Variants in PRKDC observed in about 807,000 individuals in gnomAD.
PRKDC encodes DNA-dependent protein kinase catalytic subunit.
PRKDC carries 82 observed loss-of-function variants against 486.9 expected under a neutral mutation model. The ratio of observed to expected loss-of-function variants is 0.17; its 90% CI spans 0.14 to 0.20. The LOEUF (loss-of-function observed/expected upper bound fraction) is 0.20. PRKDC is among the 10% of genes least tolerant of loss of function. The pLI is 1.00. For missense variants in PRKDC, 4,504 were observed against 5,038.2 expected (o/e 0.89, Z 3.21); for synonymous variants, 1,895 against 1,837.0 (o/e 1.03, Z -0.81).
chr8:47,811,025 A>C (rs550033805), intron 68 of PRKDC, among the ~76,000 whole-genome samples: 20 of 152,220 alleles, frequency 1.3e-4, no homozygotes, highest in Non-Finnish European at 2.4e-4. Context: ...GAAGAAACAC[A>C]ATGACTGAAA....
intron 67 of PRKDC, 55 bp downstream of exon 67, chr8:47,819,347 G>GCT: frequency 1.7e-6 from 2 of 1,175,222 alleles, no homozygotes; most frequent in South Asian, 3.0e-5. Flanking sequence ...TAATTTAGAT[G>GCT]CTAAAACTCT....
chr8:47,818,447 C>T (rs888558379), intron 67 of PRKDC, among the ~76,000 whole-genome samples: 10 of 151,710 alleles, frequency 6.6e-5, no homozygotes, highest in Admixed American at 2.6e-4. Flanking sequence ...GGCATGGTGG[C>T]GGGAGCCTAT....
chr8:47,897,264 T>C lies in PRKDC; in HGVS notation c.3495A>G (p.Leu1165=). ...RGFPPSASLC[L]LDLVKWLLAH... is the part of the protein sequence containing the mutation. ...CTAAAAGCCACTTGACCAGATCCAA[T>C]AAACACAATGATGCGGAAGGTGGAA... The change falls in exon 30 of 86, where the codon TTA becomes TTG. Residue 1165 remains leucine, a synonymous_variant. Coordinates refer to ENST00000314191, the MANE Select transcript of PRKDC (RefSeq NM_006904.7). The C allele has an allele frequency of 6.2e-7, 1 of 1,601,798 alleles. No homozygotes were observed. Among genetic ancestry groups the C allele is most frequent in the Non-Finnish European group, 8.5e-7 (1 of 1,170,256 alleles).
intron 34 of PRKDC, among the ~76,000 whole-genome samples, chr8:47,888,083 G>A (rs1264799096): frequency 6.6e-6 from 1 of 151,990 alleles, no homozygotes; most frequent in Non-Finnish European, 1.5e-5. Flanking sequence ...CTGCCATGTT[G>A]CCTGGGTCGG....
At chr8:47,830,561 C>G (rs369956808) in intron 61 of PRKDC, 44 bp downstream of exon 61, 4 of 1,600,902 alleles carry the variant, frequency 2.5e-6, no homozygotes, top group Admixed American at 3.4e-5. Context: ...GAACTGGAAA[C>G]AGATTTTAAC....
chr8:47,826,688 A>G lies in PRKDC; in HGVS notation c.8751T>C (p.Pro2917=), dbSNP rs1192845152. ...GCTCCACCCATCTGAGGACATCAGG[A>G]GGGAGGCGGGCCTTCCCACGGACTC... ...AKRVRGKARL[P]PDVLRWVELA... is the part of the protein sequence containing the mutation. Residue 2917 remains proline (P), a synonymous_variant, in exon 63 of 86, where the codon CCT becomes CCC. Transcript: ENST00000314191. 1 of 1,612,956 alleles carries G rather than the reference A, an allele frequency of 6.2e-7. No individual in the cohort carries two copies. The highest frequency in any genetic ancestry group is 1.7e-5 in the Admixed American group (1 of 60,006).
chr8:47,886,249 G>T, intron 35 of PRKDC, 102 bp from the exon 36 acceptor site: 1 of 895,040 alleles, frequency 1.1e-6, no homozygotes. Flanking sequence ...AAATGACACA[G>T]GTCTAAAAAG....
chr8:47,781,441 A>C (rs2086697736), intron 80 of PRKDC, among the ~76,000 whole-genome samples: 1 of 152,226 alleles, frequency 6.6e-6, no homozygotes, highest in Non-Finnish European at 1.5e-5. Context: ...TTTAAAAAAG[A>C]ATCAGAGAAC....
intron 35 of PRKDC, 96 bp from the exon 36 acceptor site, chr8:47,886,243 G>T: frequency 9.9e-7 from 1 of 1,009,626 alleles, no homozygotes; most frequent in Non-Finnish European, 1.4e-6. Context: ...ATTGGAAAAT[G>T]ACACAGGTCT....
intron 45 of PRKDC, among the ~76,000 whole-genome samples, chr8:47,860,023 C>T (rs1049963490): frequency 6.6e-6 from 1 of 152,142 alleles, no homozygotes; most frequent in Admixed American, 6.5e-5. Flanking sequence ...ATATGATTAA[C>T]ACATTTTCTT....
rs953486375 is a variant in PRKDC, at chr8:47,930,688, G to A, written c.1876C>T (p.Leu626=). The part of the protein sequence containing the change: ...KPKDFSAFIN[L]VEFCREILPE... ...ACCAAATACCTGCAAAATTCCACCAGGTTAATGAAAGCCGAAAAATCTTTA... is the reference window on the plus strand; with the variant it reads ...ACCAAATACCTGCAAAATTCCACCAAGTTAATGAAAGCCGAAAAATCTTTA... The change falls in exon 17 of 86, where the codon CTG becomes TTG. Residue 626 remains leucine, a synonymous_variant. Transcript: ENST00000314191. The A allele has an allele frequency of 6.4e-7, 1 of 1,572,864 alleles. No homozygotes were observed. The highest frequency in any genetic ancestry group is 1.9e-5 in the Admixed American group (1 of 53,754).
intron 21 of PRKDC, among the ~76,000 whole-genome samples, chr8:47,921,331 T>C (rs1398332311): frequency 2.6e-5 from 4 of 152,186 alleles, no homozygotes; most frequent in Non-Finnish European, 5.9e-5. Context: ...GGGTAAACTT[T>C]TTATTTCCCA....
intron 31 of PRKDC, among the ~76,000 whole-genome samples, chr8:47,892,699 CA>C (rs1001269186): frequency 6.6e-6 from 1 of 151,006 alleles, no homozygotes; most frequent in East Asian, 1.9e-4. Flanking sequence ...AAATCTTAAG[CA>C]AAAAAAACTT....
chr8:47,936,223 C>A, intron 12 of PRKDC, 130 bp downstream of exon 12: 1 of 1,052,796 alleles, frequency 9.5e-7, no homozygotes, highest in South Asian at 2.0e-5. Flanking sequence ...TCTATTGCCA[C>A]AAAGTACTAA....
At chr8:47,849,018 C>T (rs2088339602) in intron 54 of PRKDC, 136 bp downstream of exon 54, 1 of 1,191,182 alleles carries the variant, frequency 8.4e-7, no homozygotes, top group African/African-American at 1.5e-5. Context: ...GTGCCTTCAC[C>T]TTTTCTTCAG....
At chr8:47,906,209 C>G (rs565989752) in intron 25 of PRKDC, among the ~76,000 whole-genome samples, 1 of 151,970 alleles carries the variant, frequency 6.6e-6, no homozygotes. Flanking sequence ...TAGCTAGGCA[C>G]GGTGGTGCGT....
At chr8:47,852,870 C>T in intron 51 of PRKDC, 86 bp from the exon 52 acceptor site, 1 of 868,052 alleles carries the variant, frequency 1.2e-6, no homozygotes, top group South Asian at 1.6e-5. Context: ...CTTCTCATGT[C>T]ATATTGACAG....
At chr8:47,929,024 A>AT in intron 19 of PRKDC, 68 bp downstream of exon 19, 2 of 1,193,974 alleles carry the variant, frequency 1.7e-6, no homozygotes, top group Non-Finnish European at 2.4e-6. Context: ...GATCACTAGG[A>AT]TTTTTTCAAT....
intron 80 of PRKDC, among the ~76,000 whole-genome samples, chr8:47,780,152 C>G (rs914649323): frequency 6.7e-6 from 1 of 149,300 alleles, no homozygotes; most frequent in African/African-American, 2.5e-5. Flanking sequence ...TGACCTCAGG[C>G]GATCCGCCCA....
Sources: gnomAD v4.1 joint callset for allele counts (sites outside exome capture counted in the v4.1 genomes callset) on GRCh38, gnomAD v4.1.1 for gene constraint, MANE v1.5 for transcripts, NCBI Gene and HGNC (gene_info 2026-07-23, HGNC 2026-07-21) for gene names.